The following MAP3K2 variants were observed in gnomAD, a reference collection of about 807,000 sequenced individuals.
MAP3K2 encodes mitogen-activated protein kinase kinase kinase 2.
MAP3K2 carries 24 observed loss-of-function variants against 80.3 expected under a neutral mutation model. The ratio of observed to expected loss-of-function variants is 0.30; its 90% CI spans 0.22 to 0.42. The LOEUF (loss-of-function observed/expected upper bound fraction) is 0.42. Ranked by LOEUF, MAP3K2 falls within the 10% of genes least tolerant of loss-of-function variation. MAP3K2 has a pLI of 1.00. For synonymous variants in MAP3K2, 244 were observed against 253.7 expected (o/e 0.96, Z 0.36); for missense variants, 608 against 750.1 (o/e 0.81, Z 2.21).
intron 1 of MAP3K2, among the ~76,000 whole-genome samples, chr2:127,359,484 A>G (rs1308107538): frequency 6.6e-6 from 1 of 152,230 alleles, no homozygotes; most frequent in African/African-American, 2.4e-5. Flanking sequence ...CAACTAAAAC[A>G]TCATACATTG....
In MAP3K2 at chr2:127,352,892, G is replaced by A. The variant is rs191582626; in HGVS notation, c.-65-9698C>T. ...TTTCGTATTTTTTTGGTGGAGACGC[G>A]GTTTCGCTGTGTTGGCTGGGCTGGT... On this transcript the variant is annotated intron_variant, in intron 1 of 16. Transcript: ENST00000682094. 1.6e-3 allele frequency among the ~76,000 whole-genome samples: 244 copies of A among 152,278 alleles called. 5 individuals are homozygous for A. The highest frequency in any genetic ancestry group is 0.012 in the East Asian group (61 of 5,192).
rs958738073 is a variant in MAP3K2 at position 127,387,421 on chromosome 2, C to CACACACACACACACACACACACAA, written c.-66+30_-66+31insTTGTGTGTGTGTGTGTGTGTGTGT. On this transcript the variant is annotated intron_variant, in intron 1 of 16. Coordinates refer to ENST00000682094, the MANE Select transcript of MAP3K2 (RefSeq NM_001371910.2). The stretch of plus-strand genomic sequence containing the variant: ...GCGCACACACACACACACACACACA[C>CACACACACACACACACACACACAA]AAGCGCGCGCGCACGCACACACGCA... 4 of 969,906 alleles carry CACACACACACACACACACACACAA rather than the reference C, an allele frequency of 4.1e-6. No individual in the cohort carries two copies. In the African/African-American group the frequency reaches 7.1e-5, roughly 17 times the overall value. The allele number at this position is 969,906 out of a possible 1,614,324, so 60.1% of individuals were successfully genotyped here.
At chr2:127,385,850 G>A (rs918315470) in intron 1 of MAP3K2, among the ~76,000 whole-genome samples, 2 of 152,086 alleles carry the variant, frequency 1.3e-5, no homozygotes, top group Admixed American at 6.6e-5. Context: ...AGAAACAAAA[G>A]CTCCCCCTAA....
At chr2:127,335,825 A>G in intron 5 of MAP3K2, 45 bp downstream of exon 5, 1 of 1,052,990 alleles carries the variant, frequency 9.5e-7, no homozygotes, top group Admixed American at 2.2e-5. Context: ...CGAACACATT[A>G]CTTTTGAAGG....
chr2:127,343,852 T>C (rs998095384), intron 1 of MAP3K2, among the ~76,000 whole-genome samples: 2 of 151,644 alleles, frequency 1.3e-5, no homozygotes, highest in African/African-American at 4.9e-5. Context: ...ACCCCATCTA[T>C]ACAAAAAAAT....
chr2:127,310,888 AT>A lies in MAP3K2; in HGVS notation c.1457-2127del, dbSNP rs754435319. 2.6e-5 allele frequency among the ~76,000 whole-genome samples: 4 copies of A among 151,802 alleles called. No homozygotes were observed. Among genetic ancestry groups the A allele is most frequent in the Non-Finnish European group, 5.9e-5 (4 of 67,928 alleles). ...AATAAGCCATTTATTTTATTATCTA[AT>A]TTTAAAATTTTACTTCAATTCTTAT... On this transcript the variant is annotated intron_variant, in intron 15 of 16. Coordinates refer to ENST00000682094, the MANE Select transcript of MAP3K2 (RefSeq NM_001371910.2). The surrounding 1 kb of genome is among the most constrained non-coding windows in gnomAD (Gnocchi z 4.8).
At chr2:127,375,096 G>A (rs991844549) in intron 1 of MAP3K2, among the ~76,000 whole-genome samples, 2 of 152,164 alleles carry the variant, frequency 1.3e-5, no homozygotes, top group Admixed American at 1.3e-4. Flanking sequence ...GTAATGTATG[G>A]TATGGTCCAA....
rs1439433903 is a variant in MAP3K2 at position 127,305,678 on chromosome 2, AAATAAAGTACTAAATAAAGTACT to A, written c.*1878_*1900del. 2.0e-5 allele frequency: 3 copies of A among 152,118 alleles called. No individual in the cohort carries two copies. The East Asian group carries it at 5.8e-4, about 29-fold the overall frequency. The allele number at this position is 152,118 out of a possible 1,614,324, so 9.4% of individuals were successfully genotyped here. ...AAGACTGTTGTTTTCTAGACCTTTA[AAATAAAGTACTAAATAAAGTACT>A]AATAAAGTACTTAGCACTTGCTTTA... On this transcript the variant is annotated 3_prime_UTR_variant, in exon 17 of 17. Coordinates refer to ENST00000682094, the MANE Select transcript of MAP3K2 (RefSeq NM_001371910.2).
chr2:127,376,295 T>C (rs1347357941), intron 1 of MAP3K2, among the ~76,000 whole-genome samples: 1 of 91,246 alleles, frequency 1.1e-5, no homozygotes, highest in Non-Finnish European at 2.0e-5. Flanking sequence ...ATCATCCACG[T>C]GCAGGACTAC....
Position 127,363,272 on chromosome 2 carries a change from C to T in MAP3K2, c.-65-20078G>A, listed in dbSNP as rs577710502. 2.6e-5 allele frequency among the ~76,000 whole-genome samples: 4 copies of T among 152,228 alleles called. No individual in the cohort carries two copies. The South Asian group carries it at 8.3e-4, about 32-fold the overall frequency. ...TTTATTTTTTTCAACCAACATTTAACATATGCTTACTGTGTGCCAATATGC... is the reference window on the plus strand; with the variant it reads ...TTTATTTTTTTCAACCAACATTTAATATATGCTTACTGTGTGCCAATATGC... On this transcript the variant is annotated intron_variant, in intron 1 of 16. Coordinates refer to ENST00000682094, the MANE Select transcript of MAP3K2 (RefSeq NM_001371910.2).
chr2:127,313,622 C>A (rs1048141037), intron 15 of MAP3K2, among the ~76,000 whole-genome samples: 4 of 152,188 alleles, frequency 2.6e-5, no homozygotes, highest in Non-Finnish European at 4.4e-5. Flanking sequence ...CAAATACAAA[C>A]GTGTACACAT....
In MAP3K2 at chr2:127,343,010, C is replaced by T. The variant is rs566656105; in HGVS notation, c.4+116G>A. On this transcript the variant is annotated intron_variant, in intron 2 of 16. Transcript: ENST00000682094. ...AAATATAAAACATTTCATAAATCTG[C>T]TATATCATAAAATTTATTTATAAAA... 6 of 703,996 alleles carry T rather than the reference C, an allele frequency of 8.5e-6. No individual in the cohort carries two copies. The Admixed American group carries it at 8.6e-5, about 10-fold the overall frequency. The allele number at this position is 703,996 out of a possible 1,614,324, so 43.6% of individuals were successfully genotyped here. A position where few individuals can be genotyped will look rare whatever the true frequency, so the allele number is the denominator to read the frequency against.
In MAP3K2 at chr2:127,308,662, C is replaced by T; in HGVS notation, c.1557G>A (p.Lys519=). 6.2e-7 allele frequency: 1 copy of T among 1,613,956 alleles called. No homozygotes were observed. The highest frequency in any genetic ancestry group is 8.5e-7 in the Non-Finnish European group (1 of 1,179,848). The change falls in exon 16 of 17, where the codon AAG becomes AAA. Residue 519 remains lysine, a synonymous_variant. Transcript: ENST00000682094. ...TCCAGTATGGTGTGCCCGTGACAGA[C>T]TTCATTCCTGTCCCTGAGAGACAGA... The part of the protein sequence containing the change: ...QTICLSGTGM[K]SVTGTPYWMS...
chr2:127,344,488 CAAAAAAA>C (rs10611311), intron 1 of MAP3K2, among the ~76,000 whole-genome samples: 1 of 129,140 alleles, frequency 7.7e-6, no homozygotes, highest in Admixed American at 7.8e-5. Flanking sequence ...CCATTTCCAC[CAAAAAAA>C]AAAAAAAAAA....
chr2:127,346,270 C>A (rs977269222), intron 1 of MAP3K2, among the ~76,000 whole-genome samples: 1 of 151,264 alleles, frequency 6.6e-6, no homozygotes, highest in East Asian at 1.9e-4. Flanking sequence ...TTATCAAAAT[C>A]GACTCATCAA....
chr2:127,353,619 G>C (rs1236764365), intron 1 of MAP3K2, among the ~76,000 whole-genome samples: 4 of 151,222 alleles, frequency 2.6e-5, no homozygotes, highest in Non-Finnish European at 4.4e-5. Context: ...GAGGGAGGTG[G>C]GGGGGGTCAA....
At chr2:127,374,407 A>C (rs1282903626) in intron 1 of MAP3K2, among the ~76,000 whole-genome samples, 2 of 152,194 alleles carry the variant, frequency 1.3e-5, no homozygotes, top group South Asian at 4.1e-4. Flanking sequence ...ACAGGTTATG[A>C]CATCACTGCC....
chr2:127,353,130 G>A (rs2104862278), intron 1 of MAP3K2, among the ~76,000 whole-genome samples: 1 of 152,222 alleles, frequency 6.6e-6, no homozygotes, highest in East Asian at 1.9e-4. Context: ...CCCCGTCTGG[G>A]AAGTGAGGAG....
chr2:127,361,035 A>T (rs756861102), intron 1 of MAP3K2, among the ~76,000 whole-genome samples: 7 of 152,024 alleles, frequency 4.6e-5, no homozygotes, highest in Non-Finnish European at 7.4e-5. Flanking sequence ...AAATTTAGGC[A>T]GGGCGCGGTG....
Sources: gnomAD v4.1 joint callset for allele counts (sites outside exome capture counted in the v4.1 genomes callset) on GRCh38, gnomAD v4.1.1 for gene constraint, Gnocchi (gnomAD v3.1) non-coding constraint, MANE v1.5 for transcripts, NCBI Gene and HGNC (gene_info 2026-07-23, HGNC 2026-07-21) for gene names.